PUM1: variants seen among roughly 807,000 people sequenced by gnomAD.
The protein encoded by PUM1 is pumilio homolog 1.
In PUM1, 13 loss-of-function variants were observed where a neutral mutation model predicts 131.8. The observed-to-expected ratio is 0.10, with a 90% CI of 0.06 to 0.16. The LOEUF (loss-of-function observed/expected upper bound fraction) is 0.16, where lower values mean the gene tolerates loss of function less well. PUM1 is among the 10% of genes least tolerant of loss of function. PUM1 has a pLI of 1.00. For synonymous variants in PUM1, 509 were observed against 556.5 expected (o/e 0.91, Z 1.20); for missense variants, 961 against 1,512.4 (o/e 0.64, Z 6.05).
intron 2 of PUM1, among the ~76,000 whole-genome samples, chr1:31,058,162 A>T (rs187867259): frequency 6.6e-6 from 1 of 152,174 alleles, no homozygotes; most frequent in Non-Finnish European, 1.5e-5. Context: ...CTGACACAAT[A>T]TATCAGTCCC....
chr1:30,984,699 G>A (rs1641479238), intron 7 of PUM1, among the ~76,000 whole-genome samples: 2 of 152,160 alleles, frequency 1.3e-5, no homozygotes. Context: ...ATTAAAAACA[G>A]TCTACAGAGC....
At chr1:31,034,463 A>C (rs1383501862) in intron 2 of PUM1, among the ~76,000 whole-genome samples, 1 of 152,188 alleles carries the variant, frequency 6.6e-6, no homozygotes, top group African/African-American at 2.4e-5. Context: ...AACACGGTGA[A>C]ATCCCGTCTC....
In PUM1 at chr1:30,936,754, G is replaced by A. The variant is rs138834169; in HGVS notation, c.3324C>T (p.Asp1108=). ...VLIDEVCTMN[D]GPHSALYTMM... ...TGGTGTATAAGGCACTGTGGGGACC[G>A]TCGTTCATGGTGCACACCTCATCGA... The change falls in exon 21 of 22, where the codon GAC becomes GAT. Residue 1108 remains aspartate, a synonymous_variant. Coordinates refer to ENST00000426105, the MANE Select transcript of PUM1 (RefSeq NM_001020658.2). 3.0e-5 allele frequency: 48 copies of A among 1,613,736 alleles called. No homozygotes were observed. Among genetic ancestry groups the A allele is most frequent in the African/African-American group, 2.7e-4 (20 of 74,896 alleles).
chr1:30,977,511 C>T (rs1023606841), intron 9 of PUM1, among the ~76,000 whole-genome samples: 1 of 152,242 alleles, frequency 6.6e-6, no homozygotes, highest in Admixed American at 6.5e-5. Flanking sequence ...ACGCTGGTCA[C>T]ATGGCCTAAG....
At chr1:30,990,190 G>C (rs1178286712) in intron 7 of PUM1, among the ~76,000 whole-genome samples, 3 of 152,220 alleles carry the variant, frequency 2.0e-5, no homozygotes, top group African/African-American at 4.8e-5. Context: ...TATTATAATA[G>C]GGATGGGGGA....
At chr1:31,062,196 T>G (rs1644381742) in intron 1 of PUM1, among the ~76,000 whole-genome samples, 1 of 152,242 alleles carries the variant, frequency 6.6e-6, no homozygotes, top group African/African-American at 2.4e-5. Flanking sequence ...GTCTCATTTG[T>G]ATCCTCTACT....
At chr1:30,952,118 C>T (rs1639959640) in intron 16 of PUM1, 116 bp downstream of exon 16, 1 of 987,568 alleles carries the variant, frequency 1.0e-6, no homozygotes, top group South Asian at 1.4e-5. Context: ...TCAAAAAGAC[C>T]ACACACCCTT....
At chr1:31,061,486 C>A (rs1380086513) in intron 1 of PUM1, among the ~76,000 whole-genome samples, 2 of 151,696 alleles carry the variant, frequency 1.3e-5, no homozygotes, top group African/African-American at 2.4e-5. Flanking sequence ...CTTGGTGGCA[C>A]GCGCCTGTAA....
intron 16 of PUM1, among the ~76,000 whole-genome samples, 199 bp from the exon 17 acceptor site, chr1:30,950,460 T>C (rs1018128930): frequency 1.3e-5 from 2 of 152,254 alleles, no homozygotes; most frequent in African/African-American, 4.8e-5. Context: ...TGAGTAACCC[T>C]TTTTAATGTT....
intron 6 of PUM1, among the ~76,000 whole-genome samples, chr1:30,994,667 G>A (rs948547182): frequency 6.6e-6 from 1 of 152,180 alleles, no homozygotes; most frequent in Non-Finnish European, 1.5e-5. Flanking sequence ...AACCACCAGA[G>A]GGATATGACA....
intron 2 of PUM1, among the ~76,000 whole-genome samples, chr1:31,038,496 T>G (rs1013552762): frequency 2.6e-5 from 4 of 152,184 alleles, no homozygotes; most frequent in African/African-American, 4.8e-5. Flanking sequence ...AACAGTGCTA[T>G]GGTGATTTGT....
chr1:31,036,974 G>T, intron 2 of PUM1: 1 of 174,280 alleles, frequency 5.7e-6, no homozygotes, highest in Non-Finnish European at 1.3e-5. Flanking sequence ...TACCATGGTT[G>T]TGGTTTCTTC....
intron 5 of PUM1, among the ~76,000 whole-genome samples, chr1:31,003,654 G>A (rs1642297785): frequency 6.6e-6 from 1 of 152,166 alleles, no homozygotes; most frequent in Non-Finnish European, 1.5e-5. Context: ...CTACTCAGGA[G>A]GCTAAGGCAG....
Position 30,992,509 on chromosome 1 carries a change from A to G in PUM1, c.1039T>C (p.Leu347=). Reference sequence around the variant, plus strand: ...ATGCCCACATGTTCCATGGGGTCCAAGGGGACACTCTGGGACTCCATGTTG... The same window carrying G: ...ATGCCCACATGTTCCATGGGGTCCAGGGGGACACTCTGGGACTCCATGTTG... ...FSNMESQSVP[L]DPMEHVGMEP... is the part of the protein sequence containing the mutation. The change falls in exon 7 of 22, where the codon TTG becomes CTG. Residue 347 remains leucine, a synonymous_variant. Coordinates refer to ENST00000426105, the MANE Select transcript of PUM1 (RefSeq NM_001020658.2). 1 of 1,614,240 alleles carries G rather than the reference A, an allele frequency of 6.2e-7. No homozygotes were observed.
Position 30,947,096 on chromosome 1 carries a change from T to C in PUM1, c.2857-1613A>G, listed in dbSNP as rs539984613. Among the ~76,000 whole-genome samples the C allele has an allele frequency of 2.6e-5, 4 of 152,318 alleles. No homozygotes were observed. The South Asian group carries it at 6.2e-4, about 24-fold the overall frequency. On this transcript the variant is annotated intron_variant, in intron 17 of 21. Coordinates refer to ENST00000426105, the MANE Select transcript of PUM1 (RefSeq NM_001020658.2). ...CAGTCTTACGGAGTGGACACCACCATAGATGGAGACACCAAGGAAGAGGCA... is the reference window on the plus strand; with the variant it reads ...CAGTCTTACGGAGTGGACACCACCACAGATGGAGACACCAAGGAAGAGGCA...
intron 2 of PUM1, among the ~76,000 whole-genome samples, chr1:31,054,093 CAAAA>C (rs368330168): frequency 0.033 from 1,809 of 54,780 alleles, 104 homozygotes; most frequent in East Asian, 0.28. Context: ...GACTTTATTT[CAAAA>C]AAAAAAAAAA....
chr1:30,994,883 T>C (rs1641927311), intron 6 of PUM1, among the ~76,000 whole-genome samples, 171 bp downstream of exon 6: 1 of 152,156 alleles, frequency 6.6e-6, no homozygotes, highest in Non-Finnish European at 1.5e-5. Flanking sequence ...TTTTAGAAAA[T>C]TCCACCTCAC....
chr1:31,059,266 C>T lies in PUM1; in HGVS notation c.301G>A (p.Gly101Ser), dbSNP rs921795174. 3.1e-5 allele frequency: 50 copies of T among 1,613,434 alleles called. No individual in the cohort carries two copies. The highest frequency in any genetic ancestry group is 4.2e-5 in the Non-Finnish European group (50 of 1,179,774). ...EQLGGGGSGG[G>S]GYNNSKHRWP... Reference sequence around the variant, plus strand: ...CGATGTTTGCTATTATTATAGCCGCCTCCTCCACTTCCTCCTCCCCCAAGC... The same window carrying T: ...CGATGTTTGCTATTATTATAGCCGCTTCCTCCACTTCCTCCTCCCCCAAGC... The change falls in exon 2 of 22, where the codon GGC (glycine) becomes AGC (serine). Residue 101 changes from glycine (G) to serine (S), a missense_variant. Physicochemically the swap from Gly to Ser is moderately conservative, Grantham distance 56 (BLOSUM62 0). Transcript: ENST00000426105.
chr1:31,018,852 T>A (rs1318497682), intron 3 of PUM1, among the ~76,000 whole-genome samples: 1 of 152,152 alleles, frequency 6.6e-6, no homozygotes, highest in East Asian at 1.9e-4. Flanking sequence ...TTAAGTCTCC[T>A]GTGGGGTACA....
Sources: gnomAD v4.1 joint callset for allele counts (sites outside exome capture counted in the v4.1 genomes callset) on GRCh38, gnomAD v4.1.1 for gene constraint, MANE v1.5 for transcripts, NCBI Gene and HGNC (gene_info 2026-07-23, HGNC 2026-07-21) for gene names.